ABCG1: variants seen among roughly 807,000 people sequenced by gnomAD.
The protein encoded by ABCG1 is ATP binding cassette subfamily G member 1.
A neutral mutation model predicts 69.2 loss-of-function variants in ABCG1; 29 were observed. That is an observed-to-expected ratio of 0.42 (90% CI 0.31 to 0.57). The LOEUF (loss-of-function observed/expected upper bound fraction) is 0.57. ABCG1 is among the 20% of genes least tolerant of loss of function. ABCG1 has a pLI of 0.15. For synonymous variants in ABCG1, 370 were observed against 374.8 expected (o/e 0.99, Z 0.15); for missense variants, 718 against 898.1 (o/e 0.80, Z 2.56).
At chr21:42,253,774 G>A (rs1601397441) in intron 2 of ABCG1, among the ~76,000 whole-genome samples, 1 of 152,262 alleles carries the variant, frequency 6.6e-6, no homozygotes, top group East Asian at 1.9e-4. Context: ...CCTGCCAGCT[G>A]TTATTGTTGG....
upstream of ABCG1, among the ~76,000 whole-genome samples, chr21:42,216,421 T>C (rs550696223): frequency 2.0e-5 from 3 of 152,322 alleles, no homozygotes; most frequent in African/African-American, 7.2e-5. Flanking sequence ...TCGAAAAGTC[T>C]TGGCTGGACA....
rs2068649636 is a variant in ABCG1 at position 42,273,299 on chromosome 21, G to T, written c.405-4G>T. ...GACGGCTTCTCCTGTCCTTGGTTCT[G>T]CAGGGAGACGGGCATGAAGGGGGCC... On this transcript the variant is annotated splice_region_variant and splice_polypyrimidine_tract_variant and intron_variant, in intron 3 of 14. Coordinates refer to ENST00000398449, the MANE Select transcript of ABCG1 (RefSeq NM_016818.3). The surrounding 1 kb of genome is among the most constrained non-coding windows in gnomAD (Gnocchi z 5.3). 6.2e-7 allele frequency: 1 copy of T among 1,611,624 alleles called. No individual in the cohort carries two copies. The highest frequency in any genetic ancestry group is 8.5e-7 in the Non-Finnish European group (1 of 1,179,076).
intron 2 of ABCG1, chr21:42,259,963 T>G: frequency 2.0e-6 from 3 of 1,496,056 alleles, no homozygotes; most frequent in Non-Finnish European, 2.7e-6. Context: ...TGGCTTGCTC[T>G]TCCCCTTCCC....
At chr21:42,228,293 G>A (rs1372370819) in intron 2 of ABCG1, among the ~76,000 whole-genome samples, 1 of 152,194 alleles carries the variant, frequency 6.6e-6, no homozygotes, top group Admixed American at 6.5e-5. Context: ...GGTGGAGCCA[G>A]AGGGGTTGAC....
chr21:42,282,596 C>T (rs1237928496), intron 6 of ABCG1, among the ~76,000 whole-genome samples, 177 bp downstream of exon 6: 2 of 152,234 alleles, frequency 1.3e-5, no homozygotes, highest in Admixed American at 6.5e-5. Context: ...TATGCCCCCT[C>T]TCTCACTCAC....
At chr21:42,212,705 A>ATT (rs35840150), upstream of ABCG1, among the ~76,000 whole-genome samples, 413 of 140,194 alleles carry the variant, frequency 2.9e-3, 3 homozygotes, top group African/African-American at 0.01. Context: ...TTAAAAACAG[A>ATT]TTTTTTTTTT....
chr21:42,212,705 ATTTT>A (rs35840150), upstream of ABCG1, among the ~76,000 whole-genome samples: 3,085 of 140,204 alleles, frequency 0.022, 100 homozygotes, highest in African/African-American at 0.075. Context: ...TTAAAAACAG[ATTTT>A]TTTTTTTTTT....
chr21:42,206,391 C>T (rs79858969), intron 2 of ABCG1, among the ~76,000 whole-genome samples: 33,514 of 136,798 alleles, frequency 0.24, 4,180 homozygotes, highest in East Asian at 0.44. Flanking sequence ...AATAAACAAA[C>T]AAACAAACAA....
intron 2 of ABCG1, among the ~76,000 whole-genome samples, chr21:42,205,036 T>C (rs965281368): frequency 6.6e-6 from 1 of 151,934 alleles, no homozygotes; most frequent in Non-Finnish European, 1.5e-5. Context: ...TTTTTTGAGT[T>C]TTCAAAACTA....
intron 2 of ABCG1, among the ~76,000 whole-genome samples, chr21:42,203,029 G>A (rs2067518921): frequency 6.6e-6 from 1 of 152,138 alleles, no homozygotes; most frequent in African/African-American, 2.4e-5. Context: ...AAGATACAAA[G>A]CAAATCAGTG....
rs149506325 is a variant in ABCG1 at position 42,287,849 on chromosome 21, T to G, written c.974-40T>G. 5.6e-5 allele frequency: 85 copies of G among 1,517,946 alleles called. No individual in the cohort carries two copies. In the African/African-American group the frequency reaches 1.1e-3, roughly 20 times the overall value. The allele number at this position is 1,517,946 out of a possible 1,614,324, so 94.0% of individuals were successfully genotyped here. A position where few individuals can be genotyped will look rare whatever the true frequency, so the allele number is the denominator to read the frequency against. ...CGCATTTGGGTGGTTGGGGTGTCCT[T>G]CCTGGAGCCCGGGCTGACCCCCGTC... On this transcript the variant is annotated intron_variant, in intron 8 of 14. Coordinates refer to ENST00000398449, the MANE Select transcript of ABCG1 (RefSeq NM_016818.3). This position sits in a 1 kb window ranked among gnomAD's most constrained non-coding sequence, Gnocchi z 6.2.
intron 2 of ABCG1, among the ~76,000 whole-genome samples, chr21:42,229,261 T>G (rs1228966399): frequency 6.6e-6 from 1 of 152,284 alleles, no homozygotes; most frequent in Non-Finnish European, 1.5e-5. Flanking sequence ...CTTCTCTGAC[T>G]GCTCTCAGTA....
rs1466534950 is a variant in ABCG1, at chr21:42,273,266, G to A, written c.405-37G>A. On this transcript the variant is annotated intron_variant, in intron 3 of 14. Transcript: ENST00000398449. This position sits in a 1 kb window ranked among gnomAD's most constrained non-coding sequence, Gnocchi z 5.3. ...CCCGGGAGGTGGAGGAGGAGCAGGA[G>A]CCCGGCTGACGGCTTCTCCTGTCCT... The A allele has an allele frequency of 1.9e-6, 3 of 1,591,046 alleles. No individual in the cohort carries two copies. Among genetic ancestry groups the A allele is most frequent in the Non-Finnish European group, 2.6e-6 (3 of 1,167,500 alleles).
rs555562284 is a variant in ABCG1 at position 42,234,024 on chromosome 21, T to TC, written c.286+8110_286+8111insC. Among the ~76,000 whole-genome samples the TC allele has an allele frequency of 0.012, 479 of 40,470 alleles. 1 individual carries two copies. The African/African-American group carries it at 0.14, about 12-fold the overall frequency. 26.5% of individuals were successfully genotyped at this position (40,470 alleles called of 152,430 possible). On this transcript the variant is annotated intron_variant, in intron 2 of 14. Transcript: ENST00000398449. The stretch of plus-strand genomic sequence containing the variant: ...TCCTCCCACTGTTTTGGGAGAAGTG[T>TC]TTTTTTTTGTTGTTGTTGTTTTAAT...
intron 3 of ABCG1, among the ~76,000 whole-genome samples, chr21:42,272,660 G>A (rs1160834049): frequency 6.6e-6 from 1 of 152,234 alleles, no homozygotes; most frequent in Non-Finnish European, 1.5e-5. Flanking sequence ...CAGCAGAGGC[G>A]CACAGTAGGT....
chr21:42,208,909 T>C (rs1295198425), intron 2 of ABCG1, among the ~76,000 whole-genome samples: 1 of 152,168 alleles, frequency 6.6e-6, no homozygotes, highest in Admixed American at 6.5e-5. Flanking sequence ...ACTTTTGCTT[T>C]TGAAAGCTTA....
At chr21:42,263,086 C>T (rs2068441447) in intron 2 of ABCG1, among the ~76,000 whole-genome samples, 1 of 152,230 alleles carries the variant, frequency 6.6e-6, no homozygotes, top group Non-Finnish European at 1.5e-5. Flanking sequence ...GTTCTCTTTG[C>T]AAAGCACTGT....
At chr21:42,243,968 G>A (rs982650847) in intron 2 of ABCG1, among the ~76,000 whole-genome samples, 14 of 151,722 alleles carry the variant, frequency 9.2e-5, no homozygotes, top group Middle Eastern at 3.2e-3. Context: ...ACAGGCGCCC[G>A]CCACCACGCC....
At position 42,276,692 on chromosome 21, in the gene ABCG1, C is replaced by T. The variant is rs149579847; in HGVS notation, c.538-203C>T. The T allele has an allele frequency of 2.3e-3, 1,344 of 584,516 alleles. 8 individuals are homozygous for T. The African/African-American group carries it at 0.026, about 11-fold the overall frequency. The allele number at this position is 584,516 out of a possible 1,614,324, so 36.2% of individuals were successfully genotyped here. A position where few individuals can be genotyped will look rare whatever the true frequency, so the allele number is the denominator to read the frequency against. On this transcript the variant is annotated intron_variant, in intron 4 of 14. Coordinates refer to ENST00000398449, the MANE Select transcript of ABCG1 (RefSeq NM_016818.3). This position sits in a 1 kb window ranked among gnomAD's most constrained non-coding sequence, Gnocchi z 5.3. ...CTAGCTGCACTGTGGATAGCTGCAC[C>T]GTGACTAGTGGCACCGTGGCTAGCT...
Sources: gnomAD v4.1 joint callset for allele counts (sites outside exome capture counted in the v4.1 genomes callset) on GRCh38, gnomAD v4.1.1 for gene constraint, Gnocchi (gnomAD v3.1) non-coding constraint, MANE v1.5 for transcripts, NCBI Gene and HGNC (gene_info 2026-07-23, HGNC 2026-07-21) for gene names.